Variants in RBPJ observed in about 807,000 individuals in gnomAD.
RBPJ encodes recombination signal binding protein for immunoglobulin kappa J region.
In RBPJ, 9 loss-of-function variants were observed where a neutral mutation model predicts 67.8. That is an observed-to-expected ratio of 0.13 (90% CI 0.08 to 0.23). The LOEUF is 0.23. Among genes scored for constraint, RBPJ ranks in the 10% least tolerant of loss-of-function variants. The pLI is 1.00. For missense variants in RBPJ, 305 were observed against 595.6 expected (o/e 0.51, Z 5.08); for synonymous variants, 198 against 203.3 (o/e 0.97, Z 0.22).
intron 1 of RBPJ, among the ~76,000 whole-genome samples, chr4:26,199,926 T>C (rs1717921417): frequency 6.6e-6 from 1 of 152,228 alleles, no homozygotes; most frequent in South Asian, 2.1e-4. Context: ...GGTGATGCTA[T>C]GGCTCGTTTC....
At chr4:26,403,768 C>A (rs1418968871) in intron 2 of RBPJ, among the ~76,000 whole-genome samples, 1 of 151,860 alleles carries the variant, frequency 6.6e-6, no homozygotes, top group South Asian at 2.1e-4. Context: ...ACCACACTTT[C>A]TTTTTCCAGT....
chr4:26,347,665 T>C (rs538621925), intron 1 of RBPJ, among the ~76,000 whole-genome samples: 9 of 152,044 alleles, frequency 5.9e-5, no homozygotes, highest in Admixed American at 5.9e-4. Flanking sequence ...AGAGTGGGAG[T>C]GGAGCCATAG....
At chr4:26,304,384 A>C (rs566007947) in intron 1 of RBPJ, among the ~76,000 whole-genome samples, 1 of 152,330 alleles carries the variant, frequency 6.6e-6, no homozygotes, top group Admixed American at 6.5e-5. Flanking sequence ...TGGGTCATAG[A>C]GTAACTCTAT....
chr4:26,113,514 C>T, the RBPJ span: 2 of 539,122 alleles, frequency 3.7e-6, no homozygotes, highest in East Asian at 4.4e-5. Flanking sequence ...TGTGGAAAAA[C>T]GTTCTGTGCG....
intron 1 of RBPJ, among the ~76,000 whole-genome samples, chr4:26,258,131 C>G (rs1159714642): frequency 2.0e-5 from 3 of 152,202 alleles, no homozygotes. Flanking sequence ...GCTGCACAGC[C>G]AAGCCTCATA....
intron 5 of RBPJ, among the ~76,000 whole-genome samples, chr4:26,422,612 T>C (rs1290059745): frequency 1.3e-5 from 2 of 152,180 alleles, no homozygotes; most frequent in Non-Finnish European, 2.9e-5. Context: ...TTTGTTGTGG[T>C]TGTTGTTATT....
chr4:26,328,441 G>C (rs969448845), intron 1 of RBPJ, among the ~76,000 whole-genome samples: 1 of 152,194 alleles, frequency 6.6e-6, no homozygotes, highest in Non-Finnish European at 1.5e-5. Flanking sequence ...TATTGTGTAA[G>C]GGAGATTATG....
At chr4:26,254,907 C>T (rs1301326904) in intron 1 of RBPJ, among the ~76,000 whole-genome samples, 3 of 106,306 alleles carry the variant, frequency 2.8e-5, no homozygotes, top group Admixed American at 1.2e-4. Flanking sequence ...AGGCTGGTGT[C>T]GAGACCAAGC....
intron 1 of RBPJ, among the ~76,000 whole-genome samples, chr4:26,374,241 T>G (rs545408425): frequency 6.6e-6 from 1 of 152,002 alleles, no homozygotes; most frequent in East Asian, 1.9e-4. Flanking sequence ...TGCTCTGCCA[T>G]GTTTACAGCT....
chr4:26,256,314 C>T (rs1720344423), intron 1 of RBPJ, among the ~76,000 whole-genome samples: 1 of 151,090 alleles, frequency 6.6e-6, no homozygotes, highest in Non-Finnish European at 1.5e-5. Context: ...AGATTTTTGA[C>T]TAGCATGATG....
chr4:26,244,290 T>TGC lies in RBPJ; in HGVS notation c.-167+80676_-167+80677insGC, dbSNP rs1719797554. The stretch of plus-strand genomic sequence containing the variant: ...GTACACATATATGTGTGTATATGTA[T>TGC]ACACATATGTGTACACATATGTGTG... On this transcript the variant is annotated intron_variant, in intron 1 of 4. Transcript: ENST00000512351. 3.8e-5 allele frequency among the ~76,000 whole-genome samples: 4 copies of TGC among 105,170 alleles called. 1 individual carries two copies. The highest frequency in any genetic ancestry group is 1.4e-4 in the African/African-American group (4 of 28,956). The allele number at this position is 105,170 out of a possible 152,430, so 69.0% of individuals were successfully genotyped here. A position where few individuals can be genotyped will look rare whatever the true frequency, so the allele number is the denominator to read the frequency against.
At chr4:26,145,028 CTTT>C in the RBPJ span, among the ~76,000 whole-genome samples, 22 of 146,686 alleles carry the variant, frequency 1.5e-4, no homozygotes, top group Non-Finnish European at 3.0e-4. Context: ...TCTTCTTCTT[CTTT>C]TTTTTTTTTT....
At chr4:26,120,843 A>G in the RBPJ span, among the ~76,000 whole-genome samples, 4 of 151,190 alleles carry the variant, frequency 2.6e-5, no homozygotes, top group Non-Finnish European at 4.4e-5. Flanking sequence ...CAAAAGTGTA[A>G]ATTAGAATTC....
intron 1 of RBPJ, among the ~76,000 whole-genome samples, chr4:26,165,868 C>T (rs1330461841): frequency 4.2e-5 from 5 of 119,116 alleles, no homozygotes; most frequent in African/African-American, 1.1e-4. Context: ...CCTCCCCCCT[C>T]CCCCCACCCC....
chr4:26,272,538 T>C, intron 1 of RBPJ: 1 of 361,230 alleles, frequency 2.8e-6, no homozygotes, highest in Non-Finnish European at 5.4e-6. Context: ...GCCACTTCAC[T>C]CCAGCCTGGG....
chr4:26,115,432 T>A, the RBPJ span, among the ~76,000 whole-genome samples: 1,445 of 152,228 alleles, frequency 9.5e-3, 10 homozygotes, highest in Middle Eastern at 0.075. Flanking sequence ...CAGCCCAGGC[T>A]GGAGTGCAGT....
intron 1 of RBPJ, among the ~76,000 whole-genome samples, chr4:26,172,188 C>A (rs1377626606): frequency 6.6e-6 from 1 of 152,140 alleles, no homozygotes; most frequent in Admixed American, 6.6e-5. Context: ...ATACAGACAG[C>A]CCCTGAGTCA....
At chr4:26,220,958 C>G (rs561312275) in intron 1 of RBPJ, among the ~76,000 whole-genome samples, 1 of 152,346 alleles carries the variant, frequency 6.6e-6, no homozygotes, top group South Asian at 2.1e-4. Context: ...CTGATTGCAT[C>G]ATCCATTTGG....
At chr4:26,118,866 C>G in the RBPJ span, among the ~76,000 whole-genome samples, 2 of 152,202 alleles carry the variant, frequency 1.3e-5, no homozygotes. Flanking sequence ...ATCACACACT[C>G]TTGAAAACTT....
Sources: gnomAD v4.1 joint callset for allele counts (sites outside exome capture counted in the v4.1 genomes callset) on GRCh38, gnomAD v4.1.1 for gene constraint, MANE v1.5 for transcripts, NCBI Gene and HGNC (gene_info 2026-07-23, HGNC 2026-07-21) for gene names.